FRMD6: variants seen among roughly 807,000 people sequenced by gnomAD.
FRMD6 encodes FERM domain containing 6.
Under a neutral mutation model 73.2 loss-of-function variants are expected in FRMD6, and 37 were observed. The observed-to-expected ratio is 0.51, with a 90% CI of 0.39 to 0.66. The LOEUF (loss-of-function observed/expected upper bound fraction) is 0.66, where lower values mean the gene tolerates loss of function less well. Ranked by LOEUF, FRMD6 falls within the 30% of genes least tolerant of loss-of-function variation. The pLI is 0.00. For missense variants in FRMD6, 714 were observed against 780.5 expected (o/e 0.91, Z 1.02); for synonymous variants, 273 against 282.2 (o/e 0.97, Z 0.33).
chr14:51,540,195 GGCCAAAAAAATGGA>G (rs955870067), intron 1 of FRMD6, among the ~76,000 whole-genome samples: 8 of 152,026 alleles, frequency 5.3e-5, no homozygotes, highest in East Asian at 3.9e-4. Flanking sequence ...CTAGCTCAGG[GGCCAAAAAAATGGA>G]GCCAAGATAT....
chr14:51,618,351 C>T (rs1890794211), intron 2 of FRMD6, among the ~76,000 whole-genome samples: 2 of 152,184 alleles, frequency 1.3e-5, no homozygotes, highest in South Asian at 4.1e-4. Flanking sequence ...AAGGGAAAAG[C>T]GGCAAGAGAT....
In FRMD6 at chr14:51,617,783, C is replaced by A. The variant is rs571788177; in HGVS notation, c.-147+47373C>A. Among the ~76,000 whole-genome samples, 21 of 152,186 alleles carry A rather than the reference C, an allele frequency of 1.4e-4. No individual in the cohort carries two copies. The Middle Eastern group carries it at 0.017, about 123-fold the overall frequency. On this transcript the variant is annotated intron_variant, in intron 2 of 14. Transcript: ENST00000356218. ...TCTGAACTCAAGGAACTTAAACCAC[C>A]TTTCCTAACTTATTTTTCTTCTTTA...
the FRMD6 span, among the ~76,000 whole-genome samples, chr14:51,426,151 C>A: frequency 6.6e-6 from 1 of 152,120 alleles, no homozygotes; most frequent in Non-Finnish European, 1.5e-5. Context: ...GTCTCTGTCA[C>A]CATTACTGCT....
chr14:51,617,983 C>T (rs866336275), intron 2 of FRMD6, among the ~76,000 whole-genome samples: 11 of 152,034 alleles, frequency 7.2e-5, no homozygotes, highest in Non-Finnish European at 1.2e-4. Context: ...TATACCTGCA[C>T]GGAGCCAGAA....
intron 1 of FRMD6, among the ~76,000 whole-genome samples, chr14:51,684,679 A>AG (rs1895031132): frequency 6.6e-6 from 1 of 152,078 alleles, no homozygotes; most frequent in Non-Finnish European, 1.5e-5. Context: ...TAGTGAGTAG[A>AG]GGCCAGGGCT....
At chr14:51,566,142 GC>G (rs1394795606) in intron 1 of FRMD6, among the ~76,000 whole-genome samples, 5 of 152,232 alleles carry the variant, frequency 3.3e-5, no homozygotes, top group Non-Finnish European at 5.9e-5. Flanking sequence ...TCTAGCCTGG[GC>G]GACAGAGGGA....
chr14:51,417,596 A>C, the FRMD6 span, among the ~76,000 whole-genome samples: 1 of 151,836 alleles, frequency 6.6e-6, no homozygotes, highest in East Asian at 1.9e-4. Flanking sequence ...TTTTTCCTTC[A>C]TTTCACCTGG....
chr14:51,609,940 G>A (rs1019924054), intron 2 of FRMD6, among the ~76,000 whole-genome samples: 6 of 152,204 alleles, frequency 3.9e-5, no homozygotes, highest in African/African-American at 1.4e-4. Flanking sequence ...TCAGTCAGCA[G>A]AGAAACCTCT....
At chr14:51,595,671 G>A (rs1187446232) in intron 2 of FRMD6, among the ~76,000 whole-genome samples, 1 of 152,128 alleles carries the variant, frequency 6.6e-6, no homozygotes, top group African/African-American at 2.4e-5. Context: ...AATTAATGAG[G>A]ATGAATTGAA....
chr14:51,414,235 A>G, the FRMD6 span, among the ~76,000 whole-genome samples: 3 of 152,330 alleles, frequency 2.0e-5, no homozygotes, highest in Middle Eastern at 0.01. Context: ...GCTCATGCCT[A>G]TGTCCTGAAT....
chr14:51,652,578 C>T (rs1892501075), intron 1 of FRMD6, among the ~76,000 whole-genome samples: 1 of 152,238 alleles, frequency 6.6e-6, no homozygotes, highest in South Asian at 2.1e-4. Flanking sequence ...GGGACCCGAG[C>T]GCAGGGTCTG....
the FRMD6 span, among the ~76,000 whole-genome samples, chr14:51,404,119 G>T: frequency 6.6e-6 from 1 of 152,036 alleles, no homozygotes; most frequent in Non-Finnish European, 1.5e-5. Context: ...TGCTTTTCTG[G>T]TAGGCTTGAA....
the FRMD6 span, among the ~76,000 whole-genome samples, chr14:51,433,344 A>G: frequency 6.6e-6 from 1 of 152,238 alleles, no homozygotes; most frequent in Non-Finnish European, 1.5e-5. Context: ...TTATACATGG[A>G]GTACTATATA....
chr14:51,602,718 A>G (rs1007892393), intron 2 of FRMD6, among the ~76,000 whole-genome samples: 1 of 152,174 alleles, frequency 6.6e-6, no homozygotes, highest in Non-Finnish European at 1.5e-5. Context: ...TTTAGAGCAA[A>G]GTGTTTGTTT....
chr14:51,498,162 A>T (rs1283427494), intron 1 of FRMD6, among the ~76,000 whole-genome samples: 1 of 152,260 alleles, frequency 6.6e-6, no homozygotes, highest in Non-Finnish European at 1.5e-5. Flanking sequence ...TGTTAAAAAT[A>T]AAAACAAAAA....
intron 1 of FRMD6, among the ~76,000 whole-genome samples, chr14:51,560,666 T>C (rs1393306792): frequency 6.6e-6 from 1 of 152,196 alleles, no homozygotes. Flanking sequence ...TGTATTTTAG[T>C]AGAGACAGGG....
intron 2 of FRMD6, among the ~76,000 whole-genome samples, chr14:51,594,334 A>ATTTATTTT (rs1555325507): frequency 1.4e-5 from 2 of 146,670 alleles, no homozygotes; most frequent in African/African-American, 2.5e-5. Flanking sequence ...TTATTTATTT[A>ATTTATTTT]TTTATTTTTT....
At chr14:51,467,711 G>T in the FRMD6 span, among the ~76,000 whole-genome samples, 28 of 151,810 alleles carry the variant, frequency 1.8e-4, no homozygotes, top group Non-Finnish European at 3.8e-4. Context: ...TGGCAGAGGT[G>T]CTCCCCACAT....
chr14:51,580,772 T>C (rs1309278523), intron 2 of FRMD6, among the ~76,000 whole-genome samples: 2 of 152,188 alleles, frequency 1.3e-5, no homozygotes, highest in South Asian at 2.1e-4. Flanking sequence ...TCTCAACGTG[T>C]TGCACTTCCA....
Sources: gnomAD v4.1 joint callset for allele counts (sites outside exome capture counted in the v4.1 genomes callset) on GRCh38, gnomAD v4.1.1 for gene constraint, MANE v1.5 for transcripts, NCBI Gene and HGNC (gene_info 2026-07-23, HGNC 2026-07-21) for gene names.